The following GULP1 variants were observed in gnomAD, a reference collection of about 807,000 sequenced individuals.
GULP1 encodes GULP PTB domain containing engulfment adaptor 1.
GULP1 carries 19 observed loss-of-function variants against 40.9 expected under a neutral mutation model. The ratio of observed to expected loss-of-function variants is 0.46; its 90% CI spans 0.32 to 0.68. The LOEUF is 0.68. Among genes scored for constraint, GULP1 ranks in the 30% least tolerant of loss-of-function variants. The pLI is 0.03. For missense variants in GULP1, 312 were observed against 362.2 expected (o/e 0.86, Z 1.12); for synonymous variants, 119 against 117.6 (o/e 1.01, Z -0.08).
rs907185258 is a variant in GULP1 at position 188,472,338 on chromosome 2, A to G, written c.-44-5321A>G. 3.9e-5 allele frequency among the ~76,000 whole-genome samples: 6 copies of G among 151,938 alleles called. No homozygotes were observed. In the South Asian group the frequency reaches 1.0e-3, roughly 26 times the overall value. ...TACTCTAGGTTTGTGAAGTTTTCTG[A>G]TATTATCCTTTTGAATAAACTTTCT... On this transcript the variant is annotated intron_variant, in intron 2 of 11. Coordinates refer to ENST00000409830, the MANE Select transcript of GULP1 (RefSeq NM_016315.4).
intron 2 of GULP1, among the ~76,000 whole-genome samples, chr2:188,467,216 C>G (rs1390205929): frequency 6.6e-6 from 1 of 152,090 alleles, no homozygotes; most frequent in Non-Finnish European, 1.5e-5. Context: ...TTGGAAAGAC[C>G]TGGAATTAAA....
At chr2:188,423,075 A>G (rs2055677416) in intron 2 of GULP1, among the ~76,000 whole-genome samples, 2 of 151,976 alleles carry the variant, frequency 1.3e-5, no homozygotes, top group Non-Finnish European at 2.9e-5. Context: ...TTGCCTACCT[A>G]TTTCCAGTTT....
At chr2:188,583,471 A>G (rs1701734083) in intron 9 of GULP1, among the ~76,000 whole-genome samples, 1 of 152,190 alleles carries the variant, frequency 6.6e-6, no homozygotes, top group African/African-American at 2.4e-5. Flanking sequence ...TGGTTTTCAA[A>G]GGAGATTATA....
At chr2:188,320,571 A>G (rs955437542) in intron 1 of GULP1, among the ~76,000 whole-genome samples, 2 of 152,160 alleles carry the variant, frequency 1.3e-5, no homozygotes, top group Non-Finnish European at 2.9e-5. Context: ...AAATGTATGC[A>G]TTTGGGCTAT....
intron 2 of GULP1, among the ~76,000 whole-genome samples, chr2:188,436,545 A>G (rs974874625): frequency 1.1e-4 from 17 of 152,094 alleles, no homozygotes; most frequent in African/African-American, 4.1e-4. Flanking sequence ...ACATTTTATT[A>G]TCTATATTCT....
intron 1 of GULP1, among the ~76,000 whole-genome samples, chr2:188,360,582 A>G (rs913184179): frequency 1.3e-5 from 2 of 152,088 alleles, no homozygotes; most frequent in East Asian, 1.9e-4. Context: ...TTAATTGTCA[A>G]TGTTGACTAA....
chr2:188,442,655 G>A (rs1211900492), intron 2 of GULP1, among the ~76,000 whole-genome samples: 5 of 152,052 alleles, frequency 3.3e-5, no homozygotes, highest in African/African-American at 1.2e-4. Flanking sequence ...AATGATTGTA[G>A]ACAAATTTAT....
At chr2:188,464,769 C>CCT (rs1353982711) in intron 2 of GULP1, among the ~76,000 whole-genome samples, 4 of 152,190 alleles carry the variant, frequency 2.6e-5, no homozygotes, top group Non-Finnish European at 4.4e-5. Context: ...GGCAGAAGAG[C>CCT]CTCACCATGT....
At chr2:188,388,689 G>A (rs2050116991) in intron 2 of GULP1, among the ~76,000 whole-genome samples, 1 of 152,144 alleles carries the variant, frequency 6.6e-6, no homozygotes, top group Non-Finnish European at 1.5e-5. Context: ...CTGAACCCTT[G>A]CCGCTCGCCA....
At chr2:188,538,766 A>G (rs1203343213) in intron 6 of GULP1, among the ~76,000 whole-genome samples, 1 of 151,866 alleles carries the variant, frequency 6.6e-6, no homozygotes, top group Admixed American at 6.6e-5. Flanking sequence ...CAACCTATTC[A>G]TAGACATTTA....
At chr2:188,527,211 G>A (rs1283519795) in intron 5 of GULP1, among the ~76,000 whole-genome samples, 2 of 152,006 alleles carry the variant, frequency 1.3e-5, no homozygotes, top group Non-Finnish European at 2.9e-5. Context: ...GTTTCAGGGG[G>A]AAAAAATTTA....
intron 4 of GULP1, among the ~76,000 whole-genome samples, chr2:188,501,489 T>C (rs2153154995): frequency 6.6e-6 from 1 of 151,818 alleles, no homozygotes; most frequent in South Asian, 2.1e-4. Context: ...CTAATACACA[T>C]ACTTTGCCAG....
At chr2:188,354,043 T>G (rs535081346) in intron 1 of GULP1, among the ~76,000 whole-genome samples, 26 of 152,160 alleles carry the variant, frequency 1.7e-4, no homozygotes, top group African/African-American at 6.0e-4. Flanking sequence ...ACTAGCCACC[T>G]AGAGCATGAG....
intron 7 of GULP1, among the ~76,000 whole-genome samples, chr2:188,544,614 C>A (rs189877131): frequency 6.6e-6 from 1 of 151,820 alleles, no homozygotes; most frequent in Non-Finnish European, 1.5e-5. Flanking sequence ...ATGGACTCAA[C>A]AGCAGAATAG....
chr2:188,307,610 AAC>A (rs1398938996), intron 1 of GULP1, among the ~76,000 whole-genome samples: 61 of 152,308 alleles, frequency 4.0e-4, no homozygotes, highest in African/African-American at 1.4e-3. Context: ...ATGCTGTTGA[AAC>A]ACATTTAAGA....
chr2:188,404,479 G>T (rs1261709978), intron 2 of GULP1, among the ~76,000 whole-genome samples: 1 of 152,150 alleles, frequency 6.6e-6, no homozygotes, highest in Admixed American at 6.5e-5. Flanking sequence ...CCTGGGTTTT[G>T]CCTCGGATCT....
At chr2:188,488,348 C>A (rs2062041507) in intron 4 of GULP1, among the ~76,000 whole-genome samples, 1 of 152,068 alleles carries the variant, frequency 6.6e-6, no homozygotes, top group South Asian at 2.1e-4. Flanking sequence ...CTTTTCTGTC[C>A]TTGAGTTTTT....
At chr2:188,313,925 G>A (rs1574333824) in intron 1 of GULP1, among the ~76,000 whole-genome samples, 1 of 151,428 alleles carries the variant, frequency 6.6e-6, no homozygotes, top group Non-Finnish European at 1.5e-5. Context: ...TACCTTGTTA[G>A]ATGTATTCCT....
intron 1 of GULP1, among the ~76,000 whole-genome samples, chr2:188,300,681 A>T (rs958986704): frequency 6.6e-5 from 10 of 152,084 alleles, no homozygotes; most frequent in Admixed American, 3.3e-4. Context: ...TTGATGTTTG[A>T]TTTATTTGAA....
Sources: allele counts gnomAD v4.1 joint callset (sites outside exome capture counted in the v4.1 genomes callset), GRCh38; gene constraint gnomAD v4.1.1; transcripts MANE v1.5; gene names NCBI Gene and HGNC (gene_info 2026-07-23, HGNC 2026-07-21).